Variants in ZNF710 observed in about 807,000 individuals in gnomAD.
The protein encoded by ZNF710 is zinc finger protein 710.
Under a neutral mutation model 50.6 loss-of-function variants are expected in ZNF710, and 13 were observed. That is an observed-to-expected ratio of 0.26 (90% CI 0.17 to 0.41). The LOEUF (loss-of-function observed/expected upper bound fraction) is 0.41, where lower values mean the gene tolerates loss of function less well. Among genes scored for constraint, ZNF710 ranks in the 10% least tolerant of loss-of-function variants. ZNF710 has a pLI of 1.00. For missense variants in ZNF710, 721 were observed against 936.6 expected (o/e 0.77, Z 3.01); for synonymous variants, 383 against 397.0 (o/e 0.96, Z 0.42).
intron 1 of ZNF710, among the ~76,000 whole-genome samples, chr15:90,041,971 C>T (rs1464803140): frequency 2.0e-5 from 3 of 147,324 alleles, no homozygotes; most frequent in Non-Finnish European, 3.0e-5. Flanking sequence ...GATCTCAGCT[C>T]ACTGCAACCA....
intron 1 of ZNF710, among the ~76,000 whole-genome samples, chr15:90,003,204 T>C (rs1898058938): frequency 6.6e-6 from 1 of 152,118 alleles, no homozygotes; most frequent in African/African-American, 2.4e-5. Flanking sequence ...TGCCGGGCAA[T>C]CCAGTGAGGG....
At chr15:90,030,929 G>T (rs1192329357) in intron 1 of ZNF710, among the ~76,000 whole-genome samples, 1 of 150,796 alleles carries the variant, frequency 6.6e-6, no homozygotes, top group Non-Finnish European at 1.5e-5. Flanking sequence ...TGAGGCAGGA[G>T]AATGGCGTGA....
intron 1 of ZNF710, among the ~76,000 whole-genome samples, chr15:90,009,826 C>T (rs1898250782): frequency 6.6e-6 from 1 of 152,032 alleles, no homozygotes; most frequent in African/African-American, 2.4e-5. Context: ...AGCGTTTCAG[C>T]CCAGCCCACT....
At chr15:90,035,904 C>T (rs1036588631) in intron 1 of ZNF710, among the ~76,000 whole-genome samples, 1 of 152,210 alleles carries the variant, frequency 6.6e-6, no homozygotes, top group Admixed American at 6.5e-5. Context: ...TCCTTCTACA[C>T]GTGGGGCCCC....
rs1247735087 is a variant in ZNF710, at chr15:90,027,880, A to G, written c.-29+26266A>G. On this transcript the variant is annotated intron_variant, in intron 1 of 4. Transcript: ENST00000268154. Reference sequence around the variant, plus strand: ...AAAAAAAGATTTAAATTTGAAGACAATATGCACAGACGATATAATTAGCAA... The same window carrying G: ...AAAAAAAGATTTAAATTTGAAGACAGTATGCACAGACGATATAATTAGCAA... Among the ~76,000 whole-genome samples the G allele has an allele frequency of 2.6e-5, 4 of 152,038 alleles. No homozygotes were observed. The East Asian group carries it at 5.8e-4, about 22-fold the overall frequency.
chr15:90,063,801 TC>T (rs1900084179), intron 1 of ZNF710, among the ~76,000 whole-genome samples: 1 of 152,146 alleles, frequency 6.6e-6, no homozygotes, highest in Non-Finnish European at 1.5e-5. Context: ...GTTAACTGTT[TC>T]CTTATGCCCG....
chr15:90,037,671 C>T (rs1424201332), intron 1 of ZNF710, among the ~76,000 whole-genome samples: 1 of 152,202 alleles, frequency 6.6e-6, no homozygotes, highest in African/African-American at 2.4e-5. Flanking sequence ...ATCTCTGACC[C>T]AAGCATGCCA....
At chr15:90,023,500 G>A (rs1359799764) in intron 1 of ZNF710, among the ~76,000 whole-genome samples, 1 of 152,196 alleles carries the variant, frequency 6.6e-6, no homozygotes, top group South Asian at 2.1e-4. Flanking sequence ...GGTGCCTGTA[G>A]GTGGCATCAA....
chr15:90,016,899 A>G (rs1158083954), intron 1 of ZNF710, among the ~76,000 whole-genome samples: 2 of 152,238 alleles, frequency 1.3e-5, no homozygotes, highest in African/African-American at 4.8e-5. Flanking sequence ...CCCAGAGCCC[A>G]GCCAGCCACA....
chr15:90,075,653 C>G (rs539747525), intron 4 of ZNF710: 1 of 152,360 alleles, frequency 6.6e-6, no homozygotes, highest in African/African-American at 2.4e-5. Context: ...GCGGGAACAG[C>G]TGCAGTAGCT....
At chr15:90,038,435 T>A (rs1899195338) in intron 1 of ZNF710, among the ~76,000 whole-genome samples, 1 of 152,222 alleles carries the variant, frequency 6.6e-6, no homozygotes, top group South Asian at 2.1e-4. Flanking sequence ...TGCTGAGTCA[T>A]TTGAAAGTGA....
chr15:90,064,856 G>C (rs372805413), intron 1 of ZNF710, among the ~76,000 whole-genome samples: 177 of 152,264 alleles, frequency 1.2e-3, no homozygotes, highest in African/African-American at 4.1e-3. Flanking sequence ...TGTTAGGACC[G>C]TGGGCCCTCA....
chr15:90,071,213 A>T (rs1900369635), intron 2 of ZNF710, among the ~76,000 whole-genome samples: 1 of 151,222 alleles, frequency 6.6e-6, no homozygotes, highest in Non-Finnish European at 1.5e-5. Context: ...GTGAGCCAAG[A>T]CCGTGCCGCT....
At chr15:90,079,549 G>A in intron 4 of ZNF710, 111 bp from the exon 5 acceptor site, 2 of 1,354,546 alleles carry the variant, frequency 1.5e-6, no homozygotes, top group Non-Finnish European at 2.0e-6. Context: ...GACTCCTGGA[G>A]GCCGTGACTG....
rs540881386 is a variant in ZNF710 at position 90,031,028 on chromosome 15, G to GA, written c.-29+29427dup. On this transcript the variant is annotated intron_variant, in intron 1 of 4. Coordinates refer to ENST00000268154, the MANE Select transcript of ZNF710 (RefSeq NM_198526.4). Reference sequence around the variant, plus strand: ...AGCGAGACTCCGTCTCAAAAAAAAAGAAAAAAAAAAAAATGCTTAATGGAT... The same window carrying GA: ...AGCGAGACTCCGTCTCAAAAAAAAAGAAAAAAAAAAAAAATGCTTAATGGAT... Among the ~76,000 whole-genome samples, 433 of 122,822 alleles carry GA rather than the reference G, an allele frequency of 3.5e-3. 16 individuals are homozygous for GA. The Middle Eastern group carries it at 0.044, about 12-fold the overall frequency. The allele number at this position is 122,822 out of a possible 152,430, so 80.6% of individuals were successfully genotyped here.
rs1267356090 is a variant in ZNF710 at position 90,074,173 on chromosome 15, G to A, written c.1708G>A (p.Ala570Thr). 1.3e-5 allele frequency: 21 copies of A among 1,613,630 alleles called. No homozygotes were observed. Among genetic ancestry groups the A allele is most frequent in the Non-Finnish European group, 1.6e-5 (19 of 1,179,892 alleles). The change falls in exon 4 of 5, where the codon GCC (alanine) becomes ACC (threonine). Residue 570 changes from alanine to threonine, a missense_variant. This residue lies in a region of ZNF710 where 326 missense variants were observed against 522.0 expected (regional missense o/e 0.62). Transcript: ENST00000268154. ...YNLLGHMHLH[A>T]GSKPFKCPYC... ...CCTGCTGGGCCACATGCACCTGCAC[G>A]CCGGCAGCAAGCCCTTCAAGTGCCC...
At chr15:90,027,126 AT>A (rs1406091772) in intron 1 of ZNF710, among the ~76,000 whole-genome samples, 3 of 152,208 alleles carry the variant, frequency 2.0e-5, no homozygotes, top group Non-Finnish European at 4.4e-5. Context: ...CTAGAGGTTT[AT>A]TTCCAAAGTT....
At chr15:90,039,248 C>T (rs1015888636) in intron 1 of ZNF710, among the ~76,000 whole-genome samples, 38 of 151,260 alleles carry the variant, frequency 2.5e-4, no homozygotes, top group Non-Finnish European at 5.0e-4. Context: ...CACTGCACTC[C>T]AGCCTGGATG....
At chr15:90,044,979 C>T (rs1015326713) in intron 1 of ZNF710, among the ~76,000 whole-genome samples, 1 of 152,138 alleles carries the variant, frequency 6.6e-6, no homozygotes, top group African/African-American at 2.4e-5. Flanking sequence ...AATCACTGCT[C>T]CCTCCCCCAG....
Sources: allele counts gnomAD v4.1 joint callset (sites outside exome capture counted in the v4.1 genomes callset), GRCh38; gene constraint gnomAD v4.1.1; regional missense constraint gnomAD v4.1.1; transcripts MANE v1.5; gene names NCBI Gene and HGNC (gene_info 2026-07-23, HGNC 2026-07-21).